The following WNT3 variants were observed in gnomAD, a reference collection of about 807,000 sequenced individuals.
The protein encoded by WNT3 is proto-oncogene Wnt-3.
WNT3 carries 7 observed loss-of-function variants against 34.2 expected under a neutral mutation model. That is an observed-to-expected ratio of 0.20 (90% CI 0.12 to 0.38). The LOEUF (loss-of-function observed/expected upper bound fraction) is 0.38, where lower values mean the gene tolerates loss of function less well. Among genes scored for constraint, WNT3 ranks in the 10% least tolerant of loss-of-function variants. The probability of loss-of-function intolerance (pLI) is 1.00; values close to 1 mark genes in which losing one functional copy is unlikely to be tolerated. For missense variants in WNT3, 267 were observed against 499.8 expected, an observed-to-expected ratio of 0.53 and a Z score of 4.44; for synonymous variants, 212 against 211.5, an observed-to-expected ratio of 1.00 and a Z score of -0.02.
At chr17:46,816,482 C>T (rs1229549606) in intron 1 of WNT3, among the ~76,000 whole-genome samples, 1 of 46,946 alleles carries the variant, frequency 2.1e-5, no homozygotes, top group African/African-American at 8.6e-5. Flanking sequence ...CACGCACACA[C>T]ACACACACAC....
At chr17:46,770,581 G>A (rs1434940909) in intron 2 of WNT3, among the ~76,000 whole-genome samples, 2 of 152,134 alleles carry the variant, frequency 1.3e-5, no homozygotes, top group Non-Finnish European at 2.9e-5. Context: ...GGTCTCAGTC[G>A]CCCTTTTTGT....
Position 46,776,481 on chromosome 17 carries a change from A to G in WNT3, c.81-2572T>C, listed in dbSNP as rs562339865. Among the ~76,000 whole-genome samples, 107 of 152,302 alleles carry G rather than the reference A, an allele frequency of 7.0e-4. 1 individual carries two copies. The highest frequency in any genetic ancestry group is 6.8e-3 in the Middle Eastern group (2 of 294). The stretch of plus-strand genomic sequence containing the variant: ...GGTCTGTAATAAAAACTTCATTATC[A>G]TCGCCATTGTCCCATTTCCAAGATG... On this transcript the variant is annotated intron_variant, in intron 1 of 4. Transcript: ENST00000225512.
chr17:46,771,574 C>G (rs528610604), intron 2 of WNT3, among the ~76,000 whole-genome samples: 23 of 148,508 alleles, frequency 1.5e-4, no homozygotes, highest in Non-Finnish European at 3.2e-4. Flanking sequence ...CGGCGGGGCC[C>G]GCTGGGCCGC....
intron 1 of WNT3, among the ~76,000 whole-genome samples, chr17:46,783,910 T>C (rs1217966176): frequency 6.6e-6 from 1 of 152,198 alleles, no homozygotes; most frequent in Non-Finnish European, 1.5e-5. Context: ...AGCTGGGCTT[T>C]GGAATATCAT....
chr17:46,773,943 C>T (rs569611416), intron 1 of WNT3, 34 bp from the exon 2 acceptor site: 32 of 1,603,738 alleles, frequency 2.0e-5, no homozygotes, highest in South Asian at 3.3e-5. Flanking sequence ...ACACTGTGGG[C>T]ACAAAGCACA....
chr17:46,771,819 G>C (rs2146380614), intron 2 of WNT3, among the ~76,000 whole-genome samples: 1 of 142,788 alleles, frequency 7.0e-6, no homozygotes, highest in Non-Finnish European at 1.5e-5. Flanking sequence ...ATGGCGCGGC[G>C]GCCGCGCGGT....
rs1280895643 is a variant in WNT3, at chr17:46,796,991, C to T, written c.80+21527G>A. 2.6e-5 allele frequency among the ~76,000 whole-genome samples: 4 copies of T among 152,110 alleles called. No homozygotes were observed. The South Asian group carries it at 6.2e-4, about 24-fold the overall frequency. The stretch of plus-strand genomic sequence containing the variant: ...ACTGAAATAGGCAGGAGAATCTTCT[C>T]GATCCCATTTTCCAAATGGGGGAAA... On this transcript the variant is annotated intron_variant, in intron 1 of 4. Coordinates refer to ENST00000225512, the MANE Select transcript of WNT3 (RefSeq NM_030753.5).
chr17:46,797,316 T>A (rs2084066927), intron 1 of WNT3, among the ~76,000 whole-genome samples: 1 of 151,368 alleles, frequency 6.6e-6, no homozygotes, highest in African/African-American at 2.4e-5. Context: ...TGGGAGAGAG[T>A]GGAAGTGAGG....
intron 1 of WNT3, among the ~76,000 whole-genome samples, chr17:46,797,035 G>C (rs1359950725): frequency 1.3e-5 from 2 of 152,142 alleles, no homozygotes; most frequent in Non-Finnish European, 2.9e-5. Context: ...AGGGCTCCAA[G>C]GTTAAATATT....
Position 46,770,040 on chromosome 17 carries a change from C to T in WNT3, c.331G>A (p.Glu111Lys), listed in dbSNP as rs1362697335. The T allele has an allele frequency of 6.4e-7, 1 of 1,551,778 alleles. No homozygotes were observed. Among genetic ancestry groups the T allele is most frequent in the Non-Finnish European group, 8.7e-7 (1 of 1,148,402 alleles). Residue 111 changes from glutamate to lysine, a missense_variant, in exon 3 of 5, where the codon GAG (glutamate) becomes AAG (lysine). Coordinates refer to ENST00000225512, the MANE Select transcript of WNT3 (RefSeq NM_030753.5). Reference protein sequence around the residue: ...FGPVLDKATRESAFVHAIASA... With the variant: ...FGPVLDKATRKSAFVHAIASA... ...GCGATGGCGTGAACGAAGGCCGACT[C>T]GCGGGTGGCTGCGGGGAGGTCGTGG...
At chr17:46,784,481 C>A (rs537946570) in intron 1 of WNT3, among the ~76,000 whole-genome samples, 17 of 151,880 alleles carry the variant, frequency 1.1e-4, no homozygotes, top group Non-Finnish European at 2.4e-4. Context: ...GGACACTGAG[C>A]GTCACGGTGG....
intron 1 of WNT3, among the ~76,000 whole-genome samples, chr17:46,787,773 G>A (rs2059522472): frequency 6.6e-6 from 1 of 152,174 alleles, no homozygotes; most frequent in Non-Finnish European, 1.5e-5. Context: ...GGCCAACATG[G>A]CGAAACGCCT....
intron 4 of WNT3, among the ~76,000 whole-genome samples, chr17:46,767,504 C>T (rs1021026866): frequency 1.3e-5 from 2 of 152,070 alleles, no homozygotes; most frequent in East Asian, 1.9e-4. Context: ...CATTTTGGCT[C>T]GCTGCTTGAG....
intron 2 of WNT3, 45 bp downstream of exon 2, chr17:46,773,623 T>TA: frequency 5.5e-5 from 21 of 383,470 alleles, no homozygotes; most frequent in South Asian, 1.7e-4. Context: ...TCCTGATCCC[T>TA]CCCCCCACCC....
At chr17:46,777,689 T>A (rs2059423246) in intron 1 of WNT3, among the ~76,000 whole-genome samples, 1 of 152,192 alleles carries the variant, frequency 6.6e-6, no homozygotes, top group African/African-American at 2.4e-5. Context: ...CACTGAATCC[T>A]CACAACAACT....
intron 4 of WNT3, among the ~76,000 whole-genome samples, chr17:46,765,639 T>C (rs1241612741): frequency 6.6e-6 from 1 of 152,238 alleles, no homozygotes; most frequent in Non-Finnish European, 1.5e-5. Context: ...TCCCGCAGGC[T>C]CCCGTCTTGC....
At chr17:46,816,887 C>T (rs947541631) in intron 1 of WNT3, among the ~76,000 whole-genome samples, 3 of 152,324 alleles carry the variant, frequency 2.0e-5, no homozygotes, top group Non-Finnish European at 2.9e-5. Context: ...CAGGAATGGC[C>T]GGGTGAGGCT....
intron 1 of WNT3, among the ~76,000 whole-genome samples, chr17:46,791,501 C>T (rs770869209): frequency 1.3e-5 from 2 of 152,172 alleles, no homozygotes; most frequent in Non-Finnish European, 2.9e-5. Flanking sequence ...GCCACCACGC[C>T]CGGCCTCCTC....
chr17:46,774,977 G>A (rs1021164986), intron 1 of WNT3, among the ~76,000 whole-genome samples: 1 of 152,180 alleles, frequency 6.6e-6, no homozygotes, highest in Non-Finnish European at 1.5e-5. Flanking sequence ...CACTGACCAA[G>A]GCTTTGGTCC....
Sources: allele counts gnomAD v4.1 joint callset (sites outside exome capture counted in the v4.1 genomes callset), GRCh38; gene constraint gnomAD v4.1.1; transcripts MANE v1.5; gene names NCBI Gene and HGNC (gene_info 2026-07-23, HGNC 2026-07-21).